Variants in FOXJ3 observed in about 807,000 individuals in gnomAD.
FOXJ3 encodes forkhead box protein J3.
A neutral mutation model predicts 76.1 loss-of-function variants in FOXJ3; 22 were observed. The ratio of observed to expected loss-of-function variants is 0.29; its 90% CI spans 0.21 to 0.41. The LOEUF is 0.41. Among genes scored for constraint, FOXJ3 ranks in the 10% least tolerant of loss-of-function variants. The pLI is 1.00. For synonymous variants in FOXJ3, 269 were observed against 261.2 expected (o/e 1.03, Z -0.29); for missense variants, 613 against 762.1 (o/e 0.80, Z 2.30).
intron 1 of FOXJ3, among the ~76,000 whole-genome samples, chr1:42,318,734 G>A (rs896227660): frequency 2.0e-5 from 3 of 152,176 alleles, no homozygotes; most frequent in Non-Finnish European, 1.5e-5. Flanking sequence ...TTGCAATGAC[G>A]TGGAGAAATT....
chr1:42,207,272 T>C (rs910737177), intron 5 of FOXJ3, among the ~76,000 whole-genome samples: 4 of 152,198 alleles, frequency 2.6e-5, no homozygotes, highest in Non-Finnish European at 5.9e-5. Flanking sequence ...CACATATGAG[T>C]GAGAATACGC....
chr1:42,292,636 C>G (rs1015631427), intron 2 of FOXJ3, among the ~76,000 whole-genome samples: 22 of 152,306 alleles, frequency 1.4e-4, no homozygotes, highest in South Asian at 1.0e-3. Flanking sequence ...AGATACCTTG[C>G]AGACAGAGGG....
chr1:42,199,893 T>C (rs1217712817), intron 6 of FOXJ3, among the ~76,000 whole-genome samples: 1 of 148,866 alleles, frequency 6.7e-6, no homozygotes, highest in Non-Finnish European at 1.5e-5. Context: ...AATTTTTAAT[T>C]AGAAGCAAAC....
At chr1:42,254,017 T>C (rs1311859626) in intron 4 of FOXJ3, among the ~76,000 whole-genome samples, 1 of 150,596 alleles carries the variant, frequency 6.6e-6, no homozygotes, top group African/African-American at 2.4e-5. Context: ...ACCATCAGAG[T>C]GAACAGGCAA....
intron 4 of FOXJ3, among the ~76,000 whole-genome samples, chr1:42,259,457 A>G (rs538890520): frequency 8.9e-4 from 135 of 152,290 alleles, no homozygotes; most frequent in Non-Finnish European, 1.4e-3. Context: ...CAACAACAAA[A>G]TGTTCTCTTC....
intron 4 of FOXJ3, among the ~76,000 whole-genome samples, chr1:42,246,680 C>A (rs1312388826): frequency 6.6e-6 from 1 of 151,402 alleles, no homozygotes; most frequent in Non-Finnish European, 1.5e-5. Flanking sequence ...AGCAGCAATT[C>A]CACTACTAGG....
intron 5 of FOXJ3, among the ~76,000 whole-genome samples, chr1:42,225,281 C>T (rs534297663): frequency 3.9e-5 from 6 of 152,136 alleles, no homozygotes; most frequent in African/African-American, 1.4e-4. Context: ...TAACTTTTAT[C>T]CTTTAAATGT....
At chr1:42,251,546 T>G (rs981064557) in intron 4 of FOXJ3, among the ~76,000 whole-genome samples, 4 of 152,112 alleles carry the variant, frequency 2.6e-5, no homozygotes, top group Admixed American at 2.6e-4. Flanking sequence ...TTTCTGCATC[T>G]ATTGAGATAA....
rs1028988860 is a variant in FOXJ3 at position 42,251,867 on chromosome 1, C to T, written c.444+13248G>A. Among the ~76,000 whole-genome samples, 316 of 151,818 alleles carry T rather than the reference C, an allele frequency of 2.1e-3. 7 individuals are homozygous for T. The highest frequency in any genetic ancestry group is 0.02 in the Admixed American group (305 of 15,264). On this transcript the variant is annotated intron_variant, in intron 4 of 12. Coordinates refer to ENST00000361346, the MANE Select transcript of FOXJ3 (RefSeq NM_014947.5). ...CCCTGTAGCTGGGACTACAGGCGCG[C>T]GCCACCATGCCCGGCTAATTTTTGT...
intron 3 of FOXJ3, among the ~76,000 whole-genome samples, chr1:42,269,238 A>T (rs748966069): frequency 3.9e-5 from 6 of 152,186 alleles, no homozygotes; most frequent in Non-Finnish European, 8.8e-5. Context: ...ATCTAAAATA[A>T]GACATGAAAA....
rs997551635 is a variant in FOXJ3 at position 42,314,934 on chromosome 1, T to C, written c.-17-3824A>G. 2.0e-5 allele frequency among the ~76,000 whole-genome samples: 3 copies of C among 152,286 alleles called. No individual in the cohort carries two copies. The South Asian group carries it at 6.2e-4, about 32-fold the overall frequency. ...AATAACCCAAATGTTTGTCAACTAATGAACAGATAAACAAAGTATGGTTTA... is the reference window on the plus strand; with the variant it reads ...AATAACCCAAATGTTTGTCAACTAACGAACAGATAAACAAAGTATGGTTTA... On this transcript the variant is annotated intron_variant, in intron 1 of 12. Transcript: ENST00000361346.
At chr1:42,244,654 GAAAAA>G (rs149587736) in intron 4 of FOXJ3, among the ~76,000 whole-genome samples, 67,456 of 144,954 alleles carry the variant, frequency 0.47, 17,260 homozygotes, top group Non-Finnish European at 0.57. Context: ...CACTAATCAA[GAAAAA>G]AAAAAAGAGA....
intron 2 of FOXJ3, among the ~76,000 whole-genome samples, chr1:42,306,109 G>A (rs887355077): frequency 2.0e-5 from 3 of 152,044 alleles, no homozygotes; most frequent in Non-Finnish European, 1.5e-5. Flanking sequence ...TAAAGCAAAC[G>A]ATCAAGGAAA....
At chr1:42,272,167 G>C (rs1046371920) in intron 3 of FOXJ3, among the ~76,000 whole-genome samples, 1 of 152,166 alleles carries the variant, frequency 6.6e-6, no homozygotes, top group African/African-American at 2.4e-5. Flanking sequence ...TGGAAAGGTG[G>C]TGACAGTCAC....
chr1:42,208,063 T>C (rs1646894652), intron 5 of FOXJ3, among the ~76,000 whole-genome samples: 1 of 152,236 alleles, frequency 6.6e-6, no homozygotes, highest in Non-Finnish European at 1.5e-5. Context: ...TGTTATCTGA[T>C]TTCATGTAAA....
chr1:42,190,950 ATG>A (rs1377173371), intron 9 of FOXJ3, among the ~76,000 whole-genome samples: 3 of 152,218 alleles, frequency 2.0e-5, no homozygotes, highest in Non-Finnish European at 1.5e-5. Flanking sequence ...TTACCACAGT[ATG>A]ATCTTAAGCA....
intron 5 of FOXJ3, among the ~76,000 whole-genome samples, chr1:42,208,915 A>G (rs1475252693): frequency 2.0e-5 from 3 of 152,248 alleles, no homozygotes; most frequent in Non-Finnish European, 2.9e-5. Flanking sequence ...AAAGTGTTAA[A>G]TATCTCATGT....
At chr1:42,227,111 A>G (rs554244853) in intron 5 of FOXJ3, among the ~76,000 whole-genome samples, 9 of 152,398 alleles carry the variant, frequency 5.9e-5, no homozygotes, top group African/African-American at 1.7e-4. Context: ...TAATTTCTAC[A>G]AAGTGTAAGA....
At chr1:42,238,013 T>G (rs28391648) in intron 4 of FOXJ3, among the ~76,000 whole-genome samples, 3,188 of 152,134 alleles carry the variant, frequency 0.021, 101 homozygotes, top group African/African-American at 0.073. Context: ...TACATGTCTA[T>G]CCTTATGCCA....
Sources: gnomAD v4.1 joint callset for allele counts (sites outside exome capture counted in the v4.1 genomes callset) on GRCh38, gnomAD v4.1.1 for gene constraint, MANE v1.5 for transcripts, NCBI Gene and HGNC (gene_info 2026-07-23, HGNC 2026-07-21) for gene names.